KRAS: variants seen among roughly 807,000 people sequenced by gnomAD.
KRAS encodes KRas proto-oncogene, GTPase.
In KRAS, 1 loss-of-function variant was observed where a neutral mutation model predicts 21.0. The ratio of observed to expected loss-of-function variants is 0.05; its 90% CI spans 0.02 to 0.23. The LOEUF is 0.23. KRAS is among the 10% of genes least tolerant of loss of function. KRAS has a pLI of 1.00. For missense variants in KRAS, 107 were observed against 221.8 expected, an observed-to-expected ratio of 0.48 and a Z score of 3.29; for synonymous variants, 67 against 72.5, an observed-to-expected ratio of 0.92 and a Z score of 0.39.
chr12:25,219,561 A>G (rs1951295926), intron 4 of KRAS, among the ~76,000 whole-genome samples: 1 of 152,222 alleles, frequency 6.6e-6, no homozygotes, highest in African/African-American at 2.4e-5. Flanking sequence ...CTGTCAAGGA[A>G]GCAACACATC....
chr12:25,235,576 A>G (rs1488623734), intron 2 of KRAS, among the ~76,000 whole-genome samples: 5 of 152,224 alleles, frequency 3.3e-5, no homozygotes, highest in African/African-American at 1.2e-4. Context: ...ATAAATAATT[A>G]AAATAAAATG....
rs1951661902 is a variant in KRAS at position 25,245,157 on chromosome 12, C to T, written c.111+117G>A. 3.6e-6 allele frequency: 4 copies of T among 1,124,778 alleles called. No individual in the cohort carries two copies. In the South Asian group the frequency reaches 5.4e-5, roughly 15 times the overall value. 69.7% of individuals were successfully genotyped at this position (1,124,778 alleles called of 1,614,324 possible). On this transcript the variant is annotated intron_variant, in intron 2 of 4. Coordinates refer to ENST00000311936, the MANE Select transcript of KRAS (RefSeq NM_004985.5). ...GAAACCCAAGGTACATTTCAGATAACTTAACTTTCAGCATAATTATCTTGT... is the reference window on the plus strand; with the variant it reads ...GAAACCCAAGGTACATTTCAGATAATTTAACTTTCAGCATAATTATCTTGT...
At chr12:25,225,953 GA>G (rs1412085385) in intron 3 of KRAS, among the ~76,000 whole-genome samples, 180 bp from the exon 4 acceptor site, 7 of 151,962 alleles carry the variant, frequency 4.6e-5, no homozygotes, top group Non-Finnish European at 1.0e-4. Flanking sequence ...TTTTTAAACA[GA>G]AACCTTGTAT....
chr12:25,231,933 C>A (rs1951477199), intron 2 of KRAS, among the ~76,000 whole-genome samples: 1 of 152,136 alleles, frequency 6.6e-6, no homozygotes, highest in African/African-American at 2.4e-5. Context: ...AATAAAGATT[C>A]TGTTCCAACT....
intron 2 of KRAS, among the ~76,000 whole-genome samples, chr12:25,231,570 G>C (rs2141517897): frequency 6.6e-6 from 1 of 152,210 alleles, no homozygotes; most frequent in African/African-American, 2.4e-5. Flanking sequence ...GTGCGACCGA[G>C]AAACTGGGAA....
At chr12:25,244,540 C>T (rs1032159048) in intron 2 of KRAS, among the ~76,000 whole-genome samples, 10 of 152,088 alleles carry the variant, frequency 6.6e-5, no homozygotes, top group African/African-American at 2.4e-4. Context: ...GGAAGTTCTA[C>T]TCCATGACCT....
rs1951762444 is a variant in KRAS, at chr12:25,250,885, ACTGCCGCCGCCGCTG to A, written c.-161_-147del. The A allele has an allele frequency of 2.5e-5, 6 of 244,610 alleles. No homozygotes were observed. Among genetic ancestry groups the A allele is most frequent in the Admixed American group, 1.2e-4 (2 of 17,188 alleles). 15.2% of individuals were successfully genotyped at this position (244,610 alleles called of 1,614,324 possible). Reference sequence around the variant, plus strand: ...AGCCGCCGCCACCTTCGCCGCCGCCACTGCCGCCGCCGCTGCTGCCTCCGCCGCCGCGGCCGCCGC... The same window carrying A: ...AGCCGCCGCCACCTTCGCCGCCGCCACTGCCTCCGCCGCCGCGGCCGCCGC... On this transcript the variant is annotated 5_prime_UTR_variant, in exon 1 of 5. Coordinates refer to ENST00000311936, the MANE Select transcript of KRAS (RefSeq NM_004985.5).
intron 4 of KRAS, among the ~76,000 whole-genome samples, chr12:25,219,071 T>A (rs1951288520): frequency 6.6e-6 from 1 of 152,022 alleles, no homozygotes; most frequent in Admixed American, 6.6e-5. Flanking sequence ...CCTGAGTAGC[T>A]GGGACTACAG....
At chr12:25,250,218 T>C (rs191960348) in intron 1 of KRAS, among the ~76,000 whole-genome samples, 1 of 152,286 alleles carries the variant, frequency 6.6e-6, no homozygotes, top group East Asian at 1.9e-4. Flanking sequence ...AAAGGACCAC[T>C]ATCCGTCCAG....
At chr12:25,228,948 A>G (rs1271314254) in intron 2 of KRAS, among the ~76,000 whole-genome samples, 2 of 152,110 alleles carry the variant, frequency 1.3e-5, no homozygotes. Flanking sequence ...AGTCCCAGCT[A>G]CTCAGGAGGC....
chr12:25,230,771 T>C (rs1344878663), intron 2 of KRAS, among the ~76,000 whole-genome samples: 3 of 150,164 alleles, frequency 2.0e-5, no homozygotes, highest in South Asian at 2.2e-4. Flanking sequence ...AAGCATATGG[T>C]ATTTTCCAAA....
At chr12:25,232,758 AT>A (rs1195393104) in intron 2 of KRAS, among the ~76,000 whole-genome samples, 1 of 152,102 alleles carries the variant, frequency 6.6e-6, no homozygotes, top group Non-Finnish European at 1.5e-5. Flanking sequence ...CTAAAATATT[AT>A]TTTTTCCATC....
rs532564755 is a variant in KRAS at position 25,250,787 on chromosome 12, C to T, written c.-48G>A. On this transcript the variant is annotated 5_prime_UTR_variant, in exon 1 of 5. Coordinates refer to ENST00000311936, the MANE Select transcript of KRAS (RefSeq NM_004985.5). ...ACCTGGGAGCCGCTGAGCCTCTGGC[C>T]CCGCCGCCGCCTTCAGTGCCTGCGC... is the stretch of plus-strand genomic sequence containing the variant. 271 of 210,158 alleles carry T rather than the reference C, an allele frequency of 1.3e-3. No individual in the cohort carries two copies. The highest frequency in any genetic ancestry group is 5.7e-3 in the African/African-American group (249 of 43,752). 13.0% of individuals were successfully genotyped at this position (210,158 alleles called of 1,614,324 possible).
intron 3 of KRAS, 22 bp downstream of exon 3, chr12:25,227,209 CTTA>C (rs891766282): frequency 1.3e-6 from 2 of 1,542,166 alleles, no homozygotes; most frequent in African/African-American, 1.4e-5. Flanking sequence ...TTAATGTCAG[CTTA>C]TTATATTCAA....
rs559175858 is a variant in KRAS, at chr12:25,214,553, A to G, written c.451-4642T>C. Among the ~76,000 whole-genome samples the G allele has an allele frequency of 1.1e-4, 16 of 152,156 alleles. No individual in the cohort carries two copies. In the South Asian group the frequency reaches 3.3e-3, roughly 32 times the overall value. On this transcript the variant is annotated intron_variant, in intron 4 of 4. Transcript: ENST00000311936. Reference sequence around the variant, plus strand: ...CAGGCACGTGCCACCACGCCCGGCTAATTTTTTGTATTTTTAGTAGAAATA... The same window carrying G: ...CAGGCACGTGCCACCACGCCCGGCTGATTTTTTGTATTTTTAGTAGAAATA...
At chr12:25,210,249 CAT>C (rs1491484592) in intron 4 of KRAS, among the ~76,000 whole-genome samples, 3 of 152,120 alleles carry the variant, frequency 2.0e-5, no homozygotes, top group African/African-American at 4.8e-5. Flanking sequence ...AATCCAAATG[CAT>C]GTGTGTGTGT....
At chr12:25,245,462 C>T in intron 1 of KRAS, 67 bp from the exon 2 acceptor site, 1 of 1,419,180 alleles carries the variant, frequency 7.0e-7, no homozygotes, top group Non-Finnish European at 9.7e-7. Flanking sequence ...AATACACTAT[C>T]AAATACTCCA....
chr12:25,226,464 T>A (rs564501999), intron 3 of KRAS, among the ~76,000 whole-genome samples: 1 of 152,214 alleles, frequency 6.6e-6, no homozygotes, highest in Non-Finnish European at 1.5e-5. Flanking sequence ...ACTTGGATAA[T>A]AGAGCTGAAA....
At chr12:25,249,581 G>C (rs919496468) in intron 1 of KRAS, among the ~76,000 whole-genome samples, 1 of 3,962 alleles carries the variant, frequency 2.5e-4, no homozygotes, top group Admixed American at 5.1e-3. Flanking sequence ...AACAGAGCGA[G>C]ACTGTGTCTC....
Sources: allele counts gnomAD v4.1 joint callset (sites outside exome capture counted in the v4.1 genomes callset), GRCh38; gene constraint gnomAD v4.1.1; transcripts MANE v1.5; gene names NCBI Gene and HGNC (gene_info 2026-07-23, HGNC 2026-07-21).